CRYBG2: variants seen among roughly 807,000 people sequenced by gnomAD.
CRYBG2 encodes the protein beta/gamma crystallin domain-containing protein 2.
A neutral mutation model predicts 153.4 loss-of-function variants in CRYBG2; 106 were observed. The ratio of observed to expected loss-of-function variants is 0.69; its 90% CI spans 0.59 to 0.81. The LOEUF is 0.81. Ranked by LOEUF, CRYBG2 falls within the 30% of genes least tolerant of loss-of-function variation. The pLI, the probability that CRYBG2 is intolerant of heterozygous loss-of-function variation, is 0.00. For missense variants in CRYBG2, 1,996 were observed against 2,112.0 expected (o/e 0.95, Z 1.08); for synonymous variants, 851 against 877.8 (o/e 0.97, Z 0.54).
intron 1 of CRYBG2, among the ~76,000 whole-genome samples, chr1:26,350,707 C>T (rs1477001167): frequency 1.3e-5 from 2 of 152,106 alleles, no homozygotes; most frequent in African/African-American, 4.8e-5. Flanking sequence ...GGCGTCTCCA[C>T]CCCCACTCCC....
At chr1:26,324,504 TCACACACACACACACA>T in intron 17 of CRYBG2, among the ~76,000 whole-genome samples, 194 bp from the exon 18 acceptor site, 1 of 126,484 alleles carries the variant, frequency 7.9e-6, no homozygotes. Context: ...TCTCTCTCTC[TCACACACACACACACA>T]CACACACACA....
rs184077106 is a variant in CRYBG2, at chr1:26,325,910, T to A, written c.4579-1600A>T. On this transcript the variant is annotated intron_variant, in intron 17 of 19. Transcript: ENST00000308182. The surrounding 1 kb of genome is among the most constrained non-coding windows in gnomAD (Gnocchi z 4.1). ...CTTTCAGTCCTATGTGGCTAAACTA[T>A]TTTTTTTTTGAGACAGGGTCTCGCT... 3.1e-4 allele frequency among the ~76,000 whole-genome samples: 47 copies of A among 150,040 alleles called. 1 individual carries two copies. The highest frequency in any genetic ancestry group is 1.3e-3 in the Admixed American group (19 of 15,032).
Position 26,338,094 on chromosome 1 carries a change from C to T in CRYBG2, c.3472-47G>A. Reference sequence around the variant, plus strand: ...GACACCAGCCCAGAGATGGGAAAGACAGATGGGGCTGCGGATCTAGGATTT... The same window carrying T: ...GACACCAGCCCAGAGATGGGAAAGATAGATGGGGCTGCGGATCTAGGATTT... On this transcript the variant is annotated intron_variant, in intron 7 of 19. Coordinates refer to ENST00000308182, the MANE Select transcript of CRYBG2 (RefSeq NM_001039775.4). 1.9e-6 allele frequency: 3 copies of T among 1,604,762 alleles called. 1 individual carries two copies. The South Asian group carries it at 3.3e-5, about 18-fold the overall frequency.
In CRYBG2 at chr1:26,336,950, CAAAT is replaced by C; in HGVS notation, c.3798_3801del (p.Phe1267ArgfsTer12). The C allele has an allele frequency of 6.2e-7, 1 of 1,613,642 alleles. No individual in the cohort carries two copies. The highest frequency in any genetic ancestry group is 8.5e-7 in the Non-Finnish European group (1 of 1,179,870). ...CCGTGCCCCTCGAAGTCCATGGCCT[CAAAT>C]AGCACGACGGCCGGGTCCCCGAAGT... On this transcript the variant is annotated frameshift_variant, in exon 11 of 20. Coordinates refer to ENST00000308182, the MANE Select transcript of CRYBG2 (RefSeq NM_001039775.4). LOFTEE classifies it high-confidence loss of function. This position sits in a 1 kb window ranked among gnomAD's most constrained non-coding sequence, Gnocchi z 4.9.
Position 26,345,324 on chromosome 1 carries a change from T to G in CRYBG2, c.1334A>C (p.Lys445Thr), listed in dbSNP as rs188428333. Residue 445 changes from lysine to threonine, a missense_variant, in exon 2 of 20, where the codon AAG (lysine) becomes ACG (threonine). Lys to Thr is a moderately conservative substitution (Grantham distance 78, BLOSUM62 -1). Coordinates refer to ENST00000308182, the MANE Select transcript of CRYBG2 (RefSeq NM_001039775.4). ...GACATTTTCAGAGTTCTGAACAAAC[T>G]TATTCCTTGGGGACGATGGAGCAGA... ...GLSAPSSPRN[K>T]FVQNSENVPV... The G allele has an allele frequency of 6.2e-7, 1 of 1,613,566 alleles. No homozygotes were observed. The highest frequency in any genetic ancestry group is 8.5e-7 in the Non-Finnish European group (1 of 1,179,866).
At chr1:26,341,961 G>A (rs988451483) in intron 5 of CRYBG2, among the ~76,000 whole-genome samples, 2 of 152,108 alleles carry the variant, frequency 1.3e-5, no homozygotes, top group Non-Finnish European at 2.9e-5. Context: ...TGGCGTCCCT[G>A]CTCCAAACCC....
Position 26,322,158 on chromosome 1 carries a change from C to T in CRYBG2, c.4897+6G>A. 1 of 1,612,970 alleles carries T rather than the reference C, an allele frequency of 6.2e-7. No individual in the cohort carries two copies. Among genetic ancestry groups the T allele is most frequent in the South Asian group, 1.1e-5 (1 of 91,000 alleles). On this transcript the variant is annotated splice_donor_region_variant and intron_variant, in intron 19 of 19. Coordinates refer to ENST00000308182, the MANE Select transcript of CRYBG2 (RefSeq NM_001039775.4). ...GGAGCCCTCTTCCCCATACATCCCA[C>T]CTTACCCTTCACGTCCAGGATCTGG...
intron 14 of CRYBG2, among the ~76,000 whole-genome samples, chr1:26,333,728 T>C (rs2074024175): frequency 6.6e-6 from 1 of 152,228 alleles, no homozygotes; most frequent in African/African-American, 2.4e-5. Flanking sequence ...TCTCCAGAAC[T>C]GTGAGAGAAT....
intron 14 of CRYBG2, among the ~76,000 whole-genome samples, chr1:26,334,934 AAACAAAAC>A (rs969183056): frequency 7.1e-6 from 1 of 140,722 alleles, no homozygotes; most frequent in African/African-American, 2.5e-5. Flanking sequence ...AAAAACAAAC[AAACAAAAC>A]AAACAAACAA....
At position 26,342,879 on chromosome 1, in the gene CRYBG2, C is replaced by T; in HGVS notation, c.3079G>A (p.Val1027Met). 6.2e-7 allele frequency: 1 copy of T among 1,614,088 alleles called. No individual in the cohort carries two copies. The highest frequency in any genetic ancestry group is 2.2e-5 in the East Asian group (1 of 44,886). ...CGGAACTCTGGCTCTTCGTACAGCA[C>T]CCAGCTGTGGGCACAGAGATTCCAG... ...ASIRVVRGCW[V>M]LYEEPEFRGQ... is the part of the protein sequence containing the mutation. Residue 1027 changes from valine to methionine, a missense_variant, in exon 5 of 20, where the codon GTG (valine) becomes ATG (methionine). By Grantham distance (21) the Val-to-Met change is conservative. Transcript: ENST00000308182.
intron 14 of CRYBG2, 56 bp from the exon 15 acceptor site, chr1:26,331,674 A>G: frequency 6.3e-7 from 1 of 1,596,958 alleles, no homozygotes; most frequent in Non-Finnish European, 8.5e-7. Context: ...TGGCCTGCCC[A>G]GGTTCCCCTG....
At chr1:26,331,402 G>A in intron 15 of CRYBG2, 87 bp downstream of exon 15, 1 of 1,543,934 alleles carries the variant, frequency 6.5e-7, no homozygotes. Context: ...ATCAACCCCT[G>A]CACCAGCACA....
chr1:26,346,692 G>A lies in CRYBG2; in HGVS notation c.-35C>T, dbSNP rs1162598836. 5.4e-6 allele frequency: 8 copies of A among 1,486,728 alleles called. No homozygotes were observed. Among genetic ancestry groups the A allele is most frequent in the African/African-American group, 1.4e-5 (1 of 70,860 alleles). 92.1% of individuals were successfully genotyped at this position (1,486,728 alleles called of 1,614,324 possible). On this transcript the variant is annotated 5_prime_UTR_variant, in exon 2 of 20. Transcript: ENST00000308182. The surrounding 1 kb of genome is among the most constrained non-coding windows in gnomAD (Gnocchi z 4.9). ...TGGCAACCTGTCTGGAGGTGTCCTT[G>A]TCCCACTGTGGTCCAGCTCCCTGCA...
At chr1:26,327,955 A>AAG (rs960757560) in intron 17 of CRYBG2, among the ~76,000 whole-genome samples, 2 of 151,890 alleles carry the variant, frequency 1.3e-5, no homozygotes, top group South Asian at 2.1e-4. Context: ...ACACAAAAAA[A>AAG]AAAAAGAAAA....
chr1:26,335,972 T>A, intron 14 of CRYBG2, 123 bp downstream of exon 14: 1 of 720,224 alleles, frequency 1.4e-6, no homozygotes, highest in Non-Finnish European at 2.1e-6. Context: ...TGTTTTAAAA[T>A]TGCGCAAGAC....
At chr1:26,324,000 T>G in intron 18 of CRYBG2, 152 bp downstream of exon 18, 1 of 732,888 alleles carries the variant, frequency 1.4e-6, no homozygotes, top group South Asian at 2.4e-5. Flanking sequence ...GAGCACGACT[T>G]GCCCAGGGGG....
At chr1:26,351,294 G>C (rs376894571) in intron 1 of CRYBG2, among the ~76,000 whole-genome samples, 51 of 152,134 alleles carry the variant, frequency 3.4e-4, no homozygotes, top group African/African-American at 1.2e-3. Flanking sequence ...CCCTCGCTGA[G>C]CACCTCCTAA....
chr1:26,328,141 C>T, intron 17 of CRYBG2, 68 bp downstream of exon 17: 1 of 1,526,428 alleles, frequency 6.6e-7, no homozygotes, highest in Non-Finnish European at 8.8e-7. Context: ...CAGCTAGACA[C>T]TCATCCAGAA....
chr1:26,331,237 T>C (rs1056017530), intron 15 of CRYBG2, among the ~76,000 whole-genome samples: 1 of 152,230 alleles, frequency 6.6e-6, no homozygotes, highest in Admixed American at 6.5e-5. Context: ...TTTATGTCTA[T>C]GGGATCATGG....
Sources: allele counts gnomAD v4.1 joint callset (sites outside exome capture counted in the v4.1 genomes callset), GRCh38; gene constraint gnomAD v4.1.1; non-coding constraint Gnocchi (gnomAD v3.1); transcripts MANE v1.5; gene names NCBI Gene and HGNC (gene_info 2026-07-23, HGNC 2026-07-21).